The following AGRN variants were observed in gnomAD, a reference collection of about 807,000 sequenced individuals.
AGRN encodes the protein agrin.
In AGRN, 106 loss-of-function variants were observed where a neutral mutation model predicts 211.0. That is an observed-to-expected ratio of 0.50 (90% CI 0.43 to 0.59). AGRN has a LOEUF of 0.59. Ranked by LOEUF, AGRN falls within the 20% of genes least tolerant of loss-of-function variation. AGRN has a pLI of 0.00. For missense variants in AGRN, 3,040 were observed against 2,982.6 expected (o/e 1.02, Z -0.45); for synonymous variants, 1,525 against 1,332.5 (o/e 1.14, Z -3.15).
At chr1:1,028,751 C>T (rs1644580556) in intron 2 of AGRN, among the ~76,000 whole-genome samples, 1 of 38,432 alleles carries the variant, frequency 2.6e-5, no homozygotes, top group African/African-American at 6.8e-5. Context: ...CCACCCTCTC[C>T]GAAGGAACCG....
At chr1:1,023,851 G>A (rs4039721) in intron 2 of AGRN, among the ~76,000 whole-genome samples, 65,196 of 152,066 alleles carry the variant, frequency 0.43, 15,898 homozygotes, top group East Asian at 0.68. Context: ...AGGAGGGTCC[G>A]TGGGGAGCCC....
intron 12 of AGRN, 114 bp from the exon 13 acceptor site, chr1:1,045,047 C>A (rs1275957562): frequency 5.0e-6 from 6 of 1,188,424 alleles, no homozygotes; most frequent in Non-Finnish European, 6.2e-6. Flanking sequence ...CCTCTGGGAG[C>A]TGGGATCGGG....
intron 3 of AGRN, among the ~76,000 whole-genome samples, chr1:1,036,226 C>T (rs989283931): frequency 4.6e-5 from 7 of 152,270 alleles, no homozygotes; most frequent in African/African-American, 1.4e-4. Flanking sequence ...TAGATCGTCT[C>T]GGCCACTTTC....
chr1:1,047,501 A>G (rs533132527), intron 20 of AGRN, 47 bp downstream of exon 20: 5 of 1,612,792 alleles, frequency 3.1e-6, no homozygotes, highest in Non-Finnish European at 4.2e-6. Context: ...CTTCCTCCCC[A>G]GATACCCAGA....
chr1:1,050,060 G>C (rs746573776), intron 27 of AGRN, 23 bp downstream of exon 27: 24 of 1,488,140 alleles, frequency 1.6e-5, no homozygotes, highest in Middle Eastern at 2.3e-4. Flanking sequence ...GGGCTCTCGG[G>C]GCAGGGGGGG....
intron 2 of AGRN, among the ~76,000 whole-genome samples, chr1:1,029,246 G>A (rs1209937957): frequency 6.6e-6 from 1 of 152,222 alleles, no homozygotes; most frequent in East Asian, 1.9e-4. Context: ...CAACCAGAGT[G>A]TGCCTGTGTC....
At position 1,043,935 on chromosome 1, in the gene AGRN, C is replaced by T. The variant is rs1480526272; in HGVS notation, c.1911C>T (p.Val637=). Residue 637 remains valine (V), a synonymous_variant, in exon 10 of 36, where the codon GTC becomes GTT. Coordinates refer to ENST00000379370, the MANE Select transcript of AGRN (RefSeq NM_198576.4). ...PPGPVCGSDG[V]TYGSACELRE... ...GCCCCGTGTGTGGCAGCGACGGTGT[C>T]ACCTACGGCAGTGCCTGCGAGCTAC... 8 of 1,608,518 alleles carry T rather than the reference C, an allele frequency of 5.0e-6. No individual in the cohort carries two copies. The highest frequency in any genetic ancestry group is 3.3e-5 in the South Asian group (3 of 90,894).
At position 1,046,617 on chromosome 1, in the gene AGRN, G is replaced by C. The variant is rs747633469; in HGVS notation, c.3132G>C (p.Thr1044=). ...GGCCCGTGCTGACGGTGCCCCCCACGGCACCCTCCCCTGCACCCAGCCTGG... is the reference window on the plus strand; with the variant it reads ...GGCCCGTGCTGACGGTGCCCCCCACCGCACCCTCCCCTGCACCCAGCCTGG... The part of the protein sequence containing the change: ...TVWPVLTVPP[T]APSPAPSLVA... The change falls in exon 18 of 36, where the codon ACG becomes ACC. Residue 1044 remains threonine (T), a synonymous_variant. Transcript: ENST00000379370. The C allele has an allele frequency of 2.5e-6, 4 of 1,603,152 alleles. No homozygotes were observed. Among genetic ancestry groups the C allele is most frequent in the African/African-American group, 2.7e-5 (2 of 74,884 alleles).
Position 1,044,257 on chromosome 1 carries a change from G to T in AGRN, c.2148G>T (p.Pro716=). Residue 716 remains proline, a splice_region_variant and synonymous_variant, in exon 11 of 36, where the codon CCG becomes CCT. Transcript: ENST00000379370. ...GCTGCCAGAGTGTCCCAGGCAGCCC[G>T]GTGAGCTCTGTACCCCTGGCTCTCG... The part of the protein sequence containing the change: ...DFSCQSVPGS[P]VCGSDGVTYS... 1 of 1,612,792 alleles carries T rather than the reference G, an allele frequency of 6.2e-7. No homozygotes were observed. Among genetic ancestry groups the T allele is most frequent in the African/African-American group, 1.3e-5 (1 of 75,034 alleles).
At position 1,041,491 on chromosome 1, in the gene AGRN, C is replaced by G; in HGVS notation, c.966C>G (p.Gly322=). Residue 322 remains glycine, a synonymous_variant, in exon 6 of 36, where the codon GGC becomes GGG. Transcript: ENST00000379370. ...CTCGACCCCCAGACCCCTGTCAGGGCGCCCTCCCTGACCCGAGCCGCAGCT... is the reference window on the plus strand; with the variant it reads ...CTCGACCCCCAGACCCCTGTCAGGGGGCCCTCCCTGACCCGAGCCGCAGCT... ...KFDGPCDPCQ[G]ALPDPSRSCR... is the part of the protein sequence containing the mutation. 1 of 1,594,552 alleles carries G rather than the reference C, an allele frequency of 6.3e-7. No individual in the cohort carries two copies. The highest frequency in any genetic ancestry group is 1.1e-5 in the South Asian group (1 of 90,254).
intron 2 of AGRN, among the ~76,000 whole-genome samples, chr1:1,028,249 T>C (rs897231715): frequency 6.7e-6 from 1 of 149,278 alleles, no homozygotes; most frequent in Non-Finnish European, 1.5e-5. Flanking sequence ...ACCCCACAGC[T>C]GGGAGCAAGC....
chr1:1,033,610 C>T (rs912186288), intron 2 of AGRN, among the ~76,000 whole-genome samples: 3 of 148,942 alleles, frequency 2.0e-5, no homozygotes, highest in Non-Finnish European at 4.5e-5. Flanking sequence ...GTTGAACGCC[C>T]GCAGCCTCAG....
Position 1,045,798 on chromosome 1 carries a change from T to C in AGRN, c.2602T>C (p.Cys868Arg), listed in dbSNP as rs1645073955. 1 of 1,613,158 alleles carries C rather than the reference T, an allele frequency of 6.2e-7. No homozygotes were observed. The highest frequency in any genetic ancestry group is 8.5e-7 in the Non-Finnish European group (1 of 1,179,940). The change falls in exon 15 of 36, where the codon TGT becomes CGT. Residue 868 changes from cysteine (C) to arginine (R), a missense_variant. Around this residue, in one of 3 missense-constraint regions of AGRN, gnomAD observed 1,498 missense variants for 1,457.8 expected, o/e 1.03. Coordinates refer to ENST00000379370, the MANE Select transcript of AGRN (RefSeq NM_198576.4). ...DCEQMTGLCS[C>R]KPGVAGPKCG... ...TGAGCAGATGACGGGGCTGTGCTCGTGTAAGCCCGGGGTGGCTGGACCCAA... is the reference window on the plus strand; with the variant it reads ...TGAGCAGATGACGGGGCTGTGCTCGCGTAAGCCCGGGGTGGCTGGACCCAA...
At chr1:1,037,099 C>T (rs1644820443) in intron 3 of AGRN, among the ~76,000 whole-genome samples, 3 of 152,160 alleles carry the variant, frequency 2.0e-5, no homozygotes, top group Non-Finnish European at 4.4e-5. Context: ...GGCCTGAACC[C>T]TCCCAGTGGG....
At position 1,048,393 on chromosome 1, in the gene AGRN, G is replaced by T; in HGVS notation, c.4105+28G>T. 7.1e-7 allele frequency: 1 copy of T among 1,407,074 alleles called. No homozygotes were observed. The highest frequency in any genetic ancestry group is 1.5e-5 in the South Asian group (1 of 66,654). The allele number at this position is 1,407,074 out of a possible 1,614,324, so 87.2% of individuals were successfully genotyped here. ...AAGGATGTCCACTGCAGAGGAGGGC[G>T]GGGAGGCAGCAGGGTGGGGGCAAGG... On this transcript the variant is annotated intron_variant, in intron 23 of 35. Coordinates refer to ENST00000379370, the MANE Select transcript of AGRN (RefSeq NM_198576.4). This position sits in a 1 kb window ranked among gnomAD's most constrained non-coding sequence, Gnocchi z 5.9.
At chr1:1,027,436 C>T (rs150642860) in intron 2 of AGRN, among the ~76,000 whole-genome samples, 51 of 152,246 alleles carry the variant, frequency 3.3e-4, no homozygotes, top group Non-Finnish European at 5.7e-4. Context: ...CAGGGGGCCT[C>T]GGAGCTGGGC....
At chr1:1,033,990 C>T in intron 2 of AGRN, 1 of 443,024 alleles carries the variant, frequency 2.3e-6, no homozygotes, top group Non-Finnish European at 3.0e-6. Context: ...GTCTTCGCCC[C>T]TCACTCACCT....
In AGRN at chr1:1,044,368, A is replaced by C; in HGVS notation, c.2183A>C (p.Glu728Ala). The C allele has an allele frequency of 6.2e-7, 1 of 1,612,474 alleles. No individual in the cohort carries two copies. The highest frequency in any genetic ancestry group is 8.5e-7 in the Non-Finnish European group (1 of 1,179,782). The change falls in exon 12 of 36, where the codon GAG becomes GCG. Residue 728 changes from glutamate to alanine, a missense_variant. Transcript: ENST00000379370. ...TCAGATGGGGTCACCTACAGCACCG[A>C]GTGTGAGCTGAAGAAGGCCAGGTGT... Reference protein sequence around the residue: ...CGSDGVTYSTECELKKARCES... With the variant: ...CGSDGVTYSTACELKKARCES...
chr1:1,050,710 T>C lies in AGRN; in HGVS notation c.5142-16T>C. 2 of 1,600,362 alleles carry C rather than the reference T, an allele frequency of 1.2e-6. No individual in the cohort carries two copies. The highest frequency in any genetic ancestry group is 1.7e-6 in the Non-Finnish European group (2 of 1,175,842). ...GGTGGTGGACAGAGCCCACTCACGCTGCCCCTCCTCACCAGGAGCAGGGAG... is the reference window on the plus strand; with the variant it reads ...GGTGGTGGACAGAGCCCACTCACGCCGCCCCTCCTCACCAGGAGCAGGGAG... On this transcript the variant is annotated splice_polypyrimidine_tract_variant and intron_variant, in intron 29 of 35. Coordinates refer to ENST00000379370, the MANE Select transcript of AGRN (RefSeq NM_198576.4).
Sources: allele counts gnomAD v4.1 joint callset (sites outside exome capture counted in the v4.1 genomes callset), GRCh38; gene constraint gnomAD v4.1.1; regional missense constraint gnomAD v4.1.1; non-coding constraint Gnocchi (gnomAD v3.1); transcripts MANE v1.5; gene names NCBI Gene and HGNC (gene_info 2026-07-23, HGNC 2026-07-21).